The following MBNL2 variants were observed in gnomAD, a reference collection of about 807,000 sequenced individuals.
The protein encoded by MBNL2 is muscleblind-like protein 2.
A neutral mutation model predicts 41.9 loss-of-function variants in MBNL2; 17 were observed. That is an observed-to-expected ratio of 0.41 (90% confidence interval 0.28 to 0.61). The LOEUF (loss-of-function observed/expected upper bound fraction) is 0.61. MBNL2 is among the 20% of genes least tolerant of loss of function. MBNL2 has a pLI of 0.35. For missense variants in MBNL2, 336 were observed against 505.6 expected (o/e 0.66, Z 3.22); for synonymous variants, 195 against 182.9 (o/e 1.07, Z -0.53).
In MBNL2 at chr13:97,289,254, A is replaced by C. The variant is rs184442442; in HGVS notation, c.174+12845A>C. Among the ~76,000 whole-genome samples the C allele has an allele frequency of 2.2e-3, 339 of 152,366 alleles. 1 individual carries two copies. The highest frequency in any genetic ancestry group is 7.4e-3 in the African/African-American group (307 of 41,594). ...ATAGAATATATAGATGCTCTTAAAA[A>C]ATGACCATCTGGTCTACATCTCAAA... is the stretch of plus-strand genomic sequence containing the variant. On this transcript the variant is annotated intron_variant, in intron 2 of 8. Transcript: ENST00000679496.
chr13:97,333,566 C>G (rs1381641976), intron 2 of MBNL2, among the ~76,000 whole-genome samples: 1 of 152,192 alleles, frequency 6.6e-6, no homozygotes, highest in Non-Finnish European at 1.5e-5. Context: ...AGATGATTAT[C>G]TGAGCTCAAG....
chr13:97,345,150 C>G (rs996727831), intron 4 of MBNL2, among the ~76,000 whole-genome samples: 7 of 152,184 alleles, frequency 4.6e-5, no homozygotes, highest in Non-Finnish European at 1.0e-4. Flanking sequence ...GGTCACTGGT[C>G]AGTGAAACAG....
chr13:97,254,584 G>C (rs1260972503), intron 1 of MBNL2, among the ~76,000 whole-genome samples: 1 of 152,062 alleles, frequency 6.6e-6, no homozygotes, highest in East Asian at 1.9e-4. Flanking sequence ...TTTAACTTCT[G>C]CGTTGACTTC....
At chr13:97,175,179 TCTAAAAA>T in the MBNL2 span, among the ~76,000 whole-genome samples, 1 of 152,040 alleles carries the variant, frequency 6.6e-6, no homozygotes, top group Admixed American at 6.5e-5. Context: ...GCCAAGCCAC[TCTAAAAA>T]CTACACTGCA....
intron 8 of MBNL2, among the ~76,000 whole-genome samples, chr13:97,370,538 G>A (rs563244837): frequency 5.9e-5 from 9 of 151,946 alleles, no homozygotes; most frequent in South Asian, 2.1e-4. Context: ...GCATGGTGGC[G>A]CATGCCTGTA....
intron 1 of MBNL2, among the ~76,000 whole-genome samples, chr13:97,226,144 G>C (rs533708255): frequency 6.6e-6 from 1 of 152,274 alleles, no homozygotes; most frequent in Non-Finnish European, 1.5e-5. Context: ...CGACTGCACG[G>C]CTCCAACTAC....
intron 8 of MBNL2, among the ~76,000 whole-genome samples, chr13:97,390,005 T>C (rs1436553497): frequency 6.6e-6 from 1 of 152,160 alleles, no homozygotes; most frequent in Non-Finnish European, 1.5e-5. Flanking sequence ...TAATATCTTA[T>C]TAATTTTATT....
chr13:97,380,885 A>C (rs934440694), intron 8 of MBNL2, among the ~76,000 whole-genome samples: 1 of 152,242 alleles, frequency 6.6e-6, no homozygotes, highest in Non-Finnish European at 1.5e-5. Flanking sequence ...ACCTGGCTTA[A>C]CTACTTACCG....
rs142241825 is a variant in MBNL2, at chr13:97,246,811, A to G, written c.-605+24280A>G. ...TTTTCCTTCCTGCTGAAGGACATGG[A>G]TATCGGCTTTATGAGCTGGTTACAG... is the stretch of plus-strand genomic sequence containing the variant. On this transcript the variant is annotated intron_variant, in intron 1 of 8. Transcript: ENST00000679496. Among the ~76,000 whole-genome samples the G allele has an allele frequency of 6.0e-4, 92 of 152,322 alleles. 4 individuals are homozygous for G. In the South Asian group the frequency reaches 0.015, roughly 24 times the overall value.
chr13:97,166,838 A>AGATG, the MBNL2 span, among the ~76,000 whole-genome samples: 1 of 121,908 alleles, frequency 8.2e-6, no homozygotes, highest in East Asian at 2.3e-4. Flanking sequence ...ATAGATAGAT[A>AGATG]GAAAGATAGA....
intron 5 of MBNL2, among the ~76,000 whole-genome samples, chr13:97,350,783 C>T (rs941210326): frequency 3.3e-5 from 5 of 152,254 alleles, no homozygotes; most frequent in African/African-American, 9.6e-5. Flanking sequence ...ATTTCCATTA[C>T]ATCTGGAGTT....
intron 1 of MBNL2, among the ~76,000 whole-genome samples, chr13:97,233,091 C>T (rs1468670440): frequency 9.2e-5 from 11 of 119,744 alleles, no homozygotes; most frequent in East Asian, 2.3e-4. Flanking sequence ...TGTGCAGTGC[C>T]GTTTTCTTTG....
At position 97,287,116 on chromosome 13, in the gene MBNL2, T is replaced by C. The variant is rs547201949; in HGVS notation, c.174+10707T>C. Among the ~76,000 whole-genome samples, 4 of 152,362 alleles carry C rather than the reference T, an allele frequency of 2.6e-5. No individual in the cohort carries two copies. The East Asian group carries it at 7.7e-4, about 29-fold the overall frequency. On this transcript the variant is annotated intron_variant, in intron 2 of 8. Transcript: ENST00000679496. ...ACAGAAAAACATCAGTGCTACAGGCTTTGTACAAAGAAGGCTCTTTGGTTT... is the reference window on the plus strand; with the variant it reads ...ACAGAAAAACATCAGTGCTACAGGCCTTGTACAAAGAAGGCTCTTTGGTTT...
intron 2 of MBNL2, among the ~76,000 whole-genome samples, chr13:97,299,617 A>G (rs938441876): frequency 6.6e-6 from 1 of 151,796 alleles, no homozygotes; most frequent in Non-Finnish European, 1.5e-5. Flanking sequence ...ACTGTGAAAT[A>G]CTGTATATTT....
chr13:97,245,054 T>C (rs2045178128), intron 1 of MBNL2, among the ~76,000 whole-genome samples: 1 of 152,196 alleles, frequency 6.6e-6, no homozygotes, highest in Non-Finnish European at 1.5e-5. Context: ...TTTATCTAAA[T>C]AAATAGTAAT....
At chr13:97,187,776 G>C in the MBNL2 span, among the ~76,000 whole-genome samples, 5 of 151,596 alleles carry the variant, frequency 3.3e-5, no homozygotes, top group Non-Finnish European at 5.9e-5. Context: ...GAGAGGTGGC[G>C]GGCGCCTGTA....
intron 8 of MBNL2, among the ~76,000 whole-genome samples, chr13:97,369,930 G>T (rs1045065760): frequency 6.6e-6 from 1 of 152,000 alleles, no homozygotes; most frequent in Admixed American, 6.5e-5. Context: ...TAAGGTATTT[G>T]GGCCTTAATA....
the MBNL2 span, among the ~76,000 whole-genome samples, chr13:97,209,387 C>T: frequency 6.6e-6 from 1 of 152,134 alleles, no homozygotes. Flanking sequence ...TCTTTAGAGA[C>T]CCAGGATTAA....
At chr13:97,236,259 G>A (rs2043254860) in intron 1 of MBNL2, among the ~76,000 whole-genome samples, 1 of 152,060 alleles carries the variant, frequency 6.6e-6, no homozygotes, top group Admixed American at 6.5e-5. Context: ...GCTTTGAAGT[G>A]ACAGTTGCTG....
Sources: gnomAD v4.1 joint callset for allele counts (sites outside exome capture counted in the v4.1 genomes callset) on GRCh38, gnomAD v4.1.1 for gene constraint, MANE v1.5 for transcripts, NCBI Gene and HGNC (gene_info 2026-07-23, HGNC 2026-07-21) for gene names.